The following NCALD variants were observed in gnomAD, a reference collection of about 807,000 sequenced individuals.
NCALD encodes neurocalcin delta, also known as neurocalcin-delta.
A neutral mutation model predicts 18.6 loss-of-function variants in NCALD; 10 were observed. That is an observed-to-expected ratio of 0.54 (90% CI 0.33 to 0.91). NCALD has a LOEUF of 0.91. NCALD is among the 40% of genes least tolerant of loss of function. NCALD has a pLI of 0.03. For missense variants in NCALD, 184 were observed against 247.6 expected (o/e 0.74, Z 1.72); for synonymous variants, 88 against 87.4 (o/e 1.01, Z -0.04).
At chr8:102,102,761 A>G (rs1468063714) in intron 1 of NCALD, among the ~76,000 whole-genome samples, 4 of 151,966 alleles carry the variant, frequency 2.6e-5, no homozygotes, top group Non-Finnish European at 5.9e-5. Context: ...CGTTGCATTT[A>G]TGAAAGTTTA....
chr8:102,002,144 A>G (rs1014221911), intron 2 of NCALD, among the ~76,000 whole-genome samples: 5 of 152,156 alleles, frequency 3.3e-5, no homozygotes, highest in Admixed American at 6.5e-5. Flanking sequence ...CTCACATGCA[A>G]AGACACACAT....
chr8:101,896,208 C>T (rs1193078197), intron 3 of NCALD, among the ~76,000 whole-genome samples: 5 of 151,968 alleles, frequency 3.3e-5, no homozygotes, highest in African/African-American at 4.8e-5. Flanking sequence ...AGAAGTAATG[C>T]CACATATCTA....
chr8:101,753,911 T>C (rs1435270581), intron 1 of NCALD, among the ~76,000 whole-genome samples: 1 of 152,190 alleles, frequency 6.6e-6, no homozygotes, highest in Non-Finnish European at 1.5e-5. Context: ...AGATAACATA[T>C]GATTTAAGAT....
intron 1 of NCALD, among the ~76,000 whole-genome samples, chr8:102,101,154 G>GTGACAGACA (rs1825266755): frequency 6.6e-6 from 1 of 152,214 alleles, no homozygotes; most frequent in African/African-American, 2.4e-5. Flanking sequence ...GTCAGGATGT[G>GTGACAGACA]TGACAGACAG....
upstream of NCALD, chr8:102,124,395 C>T (rs1254984562): frequency 6.6e-6 from 1 of 152,568 alleles, no homozygotes; most frequent in African/African-American, 2.4e-5. Flanking sequence ...CCGCAGACCC[C>T]CTCTCCACTG....
chr8:101,866,284 C>T (rs73696532), intron 4 of NCALD, among the ~76,000 whole-genome samples: 4,750 of 152,274 alleles, frequency 0.031, 244 homozygotes, highest in African/African-American at 0.11. Flanking sequence ...TCCCCCTCAT[C>T]CTCCTGATCT....
intron 3 of NCALD, among the ~76,000 whole-genome samples, chr8:101,907,602 G>C (rs1456143143): frequency 6.6e-6 from 1 of 151,822 alleles, no homozygotes; most frequent in Non-Finnish European, 1.5e-5. Flanking sequence ...TAAGTGCCTA[G>C]TGGCTAAAGA....
At chr8:101,928,345 T>G (rs1346555002) in intron 2 of NCALD, among the ~76,000 whole-genome samples, 1 of 152,200 alleles carries the variant, frequency 6.6e-6, no homozygotes, top group Non-Finnish European at 1.5e-5. Flanking sequence ...TACAATACCA[T>G]CTTGTTTGAC....
At chr8:101,714,717 C>CATCATG (rs1554611560) in intron 2 of NCALD, among the ~76,000 whole-genome samples, 4 of 151,704 alleles carry the variant, frequency 2.6e-5, no homozygotes, top group African/African-American at 7.3e-5. Flanking sequence ...AAGCTGGGGG[C>CATCATG]CGGGCACGGT....
chr8:101,767,286 A>G (rs1047803813), intron 1 of NCALD, among the ~76,000 whole-genome samples: 7 of 152,238 alleles, frequency 4.6e-5, no homozygotes, highest in Admixed American at 4.6e-4. Context: ...CAGCACTTAA[A>G]CAATAACTGG....
intron 4 of NCALD, among the ~76,000 whole-genome samples, chr8:101,801,276 T>A (rs946930400): frequency 1.3e-5 from 2 of 152,206 alleles, no homozygotes; most frequent in African/African-American, 4.8e-5. Flanking sequence ...ATTTAAAACA[T>A]CTTTCTTGGT....
intron 1 of NCALD, among the ~76,000 whole-genome samples, chr8:102,045,630 T>C (rs1823210547): frequency 6.6e-6 from 1 of 152,126 alleles, no homozygotes; most frequent in Admixed American, 6.5e-5. Context: ...CATCAGTTGC[T>C]TTTAAACATT....
At chr8:101,899,780 T>C (rs1385334049) in intron 3 of NCALD, among the ~76,000 whole-genome samples, 1 of 151,926 alleles carries the variant, frequency 6.6e-6, no homozygotes, top group African/African-American at 2.4e-5. Flanking sequence ...TATTTATCAA[T>C]ATTTTTAGGA....
At chr8:101,988,045 C>T (rs1820883258) in intron 2 of NCALD, among the ~76,000 whole-genome samples, 1 of 150,682 alleles carries the variant, frequency 6.6e-6, no homozygotes, top group African/African-American at 2.4e-5. Context: ...GTCCCAGCTA[C>T]TCGGGAGGCT....
chr8:101,908,494 G>C (rs145226975), intron 3 of NCALD, among the ~76,000 whole-genome samples: 2 of 151,986 alleles, frequency 1.3e-5, no homozygotes, highest in Non-Finnish European at 2.9e-5. Context: ...TTCATTTCAC[G>C]GAACCATGTT....
chr8:101,769,616 T>G (rs1811499281), intron 1 of NCALD, among the ~76,000 whole-genome samples: 1 of 151,742 alleles, frequency 6.6e-6, no homozygotes, highest in South Asian at 2.1e-4. Flanking sequence ...TTCTTCTTTC[T>G]TTCTTCCTTT....
chr8:101,991,564 C>T (rs1474165744), intron 2 of NCALD, among the ~76,000 whole-genome samples: 1 of 152,104 alleles, frequency 6.6e-6, no homozygotes, highest in Non-Finnish European at 1.5e-5. Context: ...TCTGAGTTCT[C>T]CTCCCAGGCA....
intron 1 of NCALD, among the ~76,000 whole-genome samples, chr8:102,024,758 A>G (rs1001068928): frequency 4.6e-5 from 7 of 152,194 alleles, no homozygotes; most frequent in African/African-American, 1.7e-4. Context: ...CAGCATCTTC[A>G]AGTAATTCGT....
chr8:101,783,180 G>A (rs1488877523), intron 1 of NCALD, among the ~76,000 whole-genome samples: 1 of 152,152 alleles, frequency 6.6e-6, no homozygotes, highest in East Asian at 1.9e-4. Context: ...AACAAATGCT[G>A]AATGAATAAA....
Sources: gnomAD v4.1 joint callset for allele counts (sites outside exome capture counted in the v4.1 genomes callset) on GRCh38, gnomAD v4.1.1 for gene constraint, MANE v1.5 for transcripts, NCBI Gene and HGNC (gene_info 2026-07-23, HGNC 2026-07-21) for gene names.